Variants in RGS17 observed in about 807,000 individuals in gnomAD.
RGS17 encodes the protein regulator of G protein signaling 17.
RGS17 carries 12 observed loss-of-function variants against 25.5 expected under a neutral mutation model. The observed-to-expected ratio is 0.47, with a 90% CI of 0.30 to 0.76. The LOEUF (loss-of-function observed/expected upper bound fraction) is 0.76. Ranked by LOEUF, RGS17 falls within the 30% of genes least tolerant of loss-of-function variation. The probability of loss-of-function intolerance (pLI) is 0.07; values close to 1 mark genes in which losing one functional copy is unlikely to be tolerated. For synonymous variants in RGS17, 71 were observed against 76.9 expected, an observed-to-expected ratio of 0.92 and a Z score of 0.40; for missense variants, 196 against 242.2, an observed-to-expected ratio of 0.81 and a Z score of 1.27.
intron 1 of RGS17, among the ~76,000 whole-genome samples, chr6:153,081,632 C>A (rs78760141): frequency 0.014 from 2 of 142 alleles, no homozygotes; most frequent in African/African-American, 0.1. Context: ...TTCTTTTTTT[C>A]CCCCTCTTTT....
chr6:153,044,393 C>T (rs772590412), intron 1 of RGS17, among the ~76,000 whole-genome samples: 49 of 152,086 alleles, frequency 3.2e-4, no homozygotes, highest in African/African-American at 1.1e-3. Flanking sequence ...GGACACCATT[C>T]GGTGATTATA....
chr6:153,026,031 G>A (rs1442983172), intron 3 of RGS17, among the ~76,000 whole-genome samples: 3 of 152,106 alleles, frequency 2.0e-5, no homozygotes, highest in Admixed American at 6.5e-5. Flanking sequence ...CGTGGGGAGA[G>A]TCTGCTCTGG....
intron 4 of RGS17, among the ~76,000 whole-genome samples, chr6:153,017,874 A>G (rs1331778392): frequency 6.6e-6 from 1 of 152,172 alleles, no homozygotes; most frequent in African/African-American, 2.4e-5. Flanking sequence ...AACATCTGCC[A>G]CTGGAAATTT....
chr6:153,041,610 T>C (rs912256493), intron 2 of RGS17, among the ~76,000 whole-genome samples: 3 of 152,258 alleles, frequency 2.0e-5, no homozygotes, highest in Non-Finnish European at 4.4e-5. Context: ...TCTGGTGTTT[T>C]AATCCCAAAG....
In RGS17 at chr6:153,011,138, A is replaced by G. The variant is rs967464717; in HGVS notation, c.*436T>C. 6.3e-6 allele frequency: 1 copy of G among 157,484 alleles called. No individual in the cohort carries two copies. Among genetic ancestry groups the G allele is most frequent in the African/African-American group, 2.4e-5 (1 of 41,488 alleles). The allele number at this position is 157,484 out of a possible 1,614,324, so 9.8% of individuals were successfully genotyped here. A position where few individuals can be genotyped will look rare whatever the true frequency, so the allele number is the denominator to read the frequency against. On this transcript the variant is annotated 3_prime_UTR_variant, in exon 5 of 5. Transcript: ENST00000206262. The stretch of plus-strand genomic sequence containing the variant: ...GTCTTAGATTATGTTAAAAAATGCA[A>G]ACCATGGCCGATTTTTTTGGCAATT...
chr6:153,122,303 T>C (rs1362335533), intron 1 of RGS17, among the ~76,000 whole-genome samples: 1 of 152,164 alleles, frequency 6.6e-6, no homozygotes, highest in African/African-American at 2.4e-5. Flanking sequence ...TTTCAAAATA[T>C]TACATTTTGG....
chr6:153,013,845 G>A (rs1379120550), intron 4 of RGS17, among the ~76,000 whole-genome samples: 6 of 152,214 alleles, frequency 3.9e-5, no homozygotes, highest in African/African-American at 4.8e-5. Context: ...TGTAAGAAAA[G>A]TTTGAAGCTC....
chr6:153,121,681 A>G (rs757124136), intron 1 of RGS17, among the ~76,000 whole-genome samples: 4 of 152,234 alleles, frequency 2.6e-5, no homozygotes, highest in Non-Finnish European at 4.4e-5. Flanking sequence ...CAAGACATAA[A>G]GGTCTTTACA....
At chr6:153,110,906 T>A (rs1221894740) in intron 1 of RGS17, among the ~76,000 whole-genome samples, 1 of 152,172 alleles carries the variant, frequency 6.6e-6, no homozygotes, top group Non-Finnish European at 1.5e-5. Context: ...CACTCCGGCC[T>A]AGGTACTACA....
At chr6:153,032,850 G>A (rs948446675) in intron 2 of RGS17, among the ~76,000 whole-genome samples, 3 of 152,274 alleles carry the variant, frequency 2.0e-5, no homozygotes, top group East Asian at 1.9e-4. Context: ...TGTCATTATC[G>A]TTTCCGATAA....
intron 1 of RGS17, among the ~76,000 whole-genome samples, chr6:153,083,606 T>C (rs1304674680): frequency 6.6e-6 from 1 of 152,158 alleles, no homozygotes; most frequent in Non-Finnish European, 1.5e-5. Context: ...ACAATATTTA[T>C]AGGGGAGGAC....
At chr6:153,014,471 G>C (rs1419204325) in intron 4 of RGS17, among the ~76,000 whole-genome samples, 1 of 152,168 alleles carries the variant, frequency 6.6e-6, no homozygotes, top group Admixed American at 6.5e-5. Context: ...CATGGATCAA[G>C]AAGTAATTTC....
intron 2 of RGS17, among the ~76,000 whole-genome samples, chr6:153,034,878 G>A (rs562161721): frequency 7.2e-5 from 11 of 152,260 alleles, no homozygotes; most frequent in African/African-American, 1.4e-4. Context: ...GGCTGCGAGC[G>A]GCGGCTGATG....
At chr6:153,017,265 C>A (rs993960180) in intron 4 of RGS17, among the ~76,000 whole-genome samples, 1 of 151,970 alleles carries the variant, frequency 6.6e-6, no homozygotes. Flanking sequence ...TAAAAAGACA[C>A]AAGTGACTTT....
intron 1 of RGS17, among the ~76,000 whole-genome samples, chr6:153,044,420 C>T (rs1350690112): frequency 2.0e-5 from 3 of 152,100 alleles, no homozygotes; most frequent in East Asian, 3.9e-4. Flanking sequence ...GTATGTAACT[C>T]GTTTTTCCAC....
At chr6:153,126,034 G>A (rs1403577989) in intron 1 of RGS17, among the ~76,000 whole-genome samples, 2 of 152,130 alleles carry the variant, frequency 1.3e-5, no homozygotes, top group Non-Finnish European at 2.9e-5. Context: ...AGCTCGTTAA[G>A]GTAACACATT....
chr6:153,116,993 C>T (rs576201424), intron 1 of RGS17, among the ~76,000 whole-genome samples: 25 of 152,140 alleles, frequency 1.6e-4, no homozygotes, highest in African/African-American at 6.0e-4. Flanking sequence ...TTGATGGGTG[C>T]CACAAACCAC....
Position 153,008,217 on chromosome 6 carries a change from G to A in RGS17, c.*3357C>T, listed in dbSNP as rs980954142. The A allele has an allele frequency of 5.3e-5, 8 of 151,736 alleles. No individual in the cohort carries two copies. The highest frequency in any genetic ancestry group is 3.3e-4 in the Admixed American group (5 of 15,240). 9.4% of individuals were successfully genotyped at this position (151,736 alleles called of 1,614,324 possible). A position where few individuals can be genotyped will look rare whatever the true frequency, so the allele number is the denominator to read the frequency against. On this transcript the variant is annotated 3_prime_UTR_variant, in exon 5 of 5. Transcript: ENST00000206262. ...GAACTATCAGGTAGATAAACAACACGTATTTCATTCTGTAAGTCAGAACCT... is the reference window on the plus strand; with the variant it reads ...GAACTATCAGGTAGATAAACAACACATATTTCATTCTGTAAGTCAGAACCT...
chr6:153,096,530 T>C (rs932575013), intron 1 of RGS17, among the ~76,000 whole-genome samples: 1 of 152,212 alleles, frequency 6.6e-6, no homozygotes, highest in Non-Finnish European at 1.5e-5. Flanking sequence ...TTAATCTCTT[T>C]GGGCTTCCTT....
Sources: allele counts gnomAD v4.1 joint callset (sites outside exome capture counted in the v4.1 genomes callset), GRCh38; gene constraint gnomAD v4.1.1; transcripts MANE v1.5; gene names NCBI Gene and HGNC (gene_info 2026-07-23, HGNC 2026-07-21).